CYP3A43: variants seen among roughly 807,000 people sequenced by gnomAD.
CYP3A43 encodes the protein cytochrome P450 3A43.
Under a neutral mutation model 58.0 loss-of-function variants are expected in CYP3A43, and 45 were observed. The observed-to-expected ratio is 0.78, with a 90% CI of 0.61 to 0.99. The LOEUF is 0.99. CYP3A43 is among the 50% of genes least tolerant of loss of function. CYP3A43 has a pLI of 0.00. For synonymous variants in CYP3A43, 191 were observed against 201.4 expected (o/e 0.95, Z 0.44); for missense variants, 593 against 591.9 (o/e 1.00, Z -0.02).
At chr7:99,850,011 G>A (rs1320926686) in intron 7 of CYP3A43, 1 of 445,946 alleles carries the variant, frequency 2.2e-6, no homozygotes, top group Non-Finnish European at 4.4e-6. Context: ...AGGCCGGAGT[G>A]CATGGTGCGA....
chr7:99,846,376 T>G (rs577736050), intron 4 of CYP3A43, among the ~76,000 whole-genome samples: 1 of 152,340 alleles, frequency 6.6e-6, no homozygotes, highest in Admixed American at 6.5e-5. Context: ...TTTACTGTAT[T>G]TTCAGATAGT....
At chr7:99,846,860 A>G (rs538816593) in intron 4 of CYP3A43, among the ~76,000 whole-genome samples, 76 of 152,304 alleles carry the variant, frequency 5.0e-4, no homozygotes, top group South Asian at 2.5e-3. Context: ...GTTTCAAGTT[A>G]TTGGACTAAT....
At position 99,863,476 on chromosome 7, in the gene CYP3A43, G is replaced by A. The variant is rs917226481; in HGVS notation, c.1254-61G>A. On this transcript the variant is annotated intron_variant, in intron 11 of 12. Transcript: ENST00000354829. ...CAAAAGCCACCACACCCTGCATAAC[G>A]TGTAGTTTTAATAGTTTTTATGTTT... The A allele has an allele frequency of 5.6e-5, 81 of 1,434,130 alleles. 1 individual carries two copies. The highest frequency in any genetic ancestry group is 3.0e-4 in the Admixed American group (14 of 46,314). 88.8% of individuals were successfully genotyped at this position (1,434,130 alleles called of 1,614,324 possible).
At chr7:99,849,433 T>C in intron 6 of CYP3A43, 113 bp from the exon 7 acceptor site, 3 of 1,237,526 alleles carry the variant, frequency 2.4e-6, no homozygotes, top group Non-Finnish European at 3.3e-6. Flanking sequence ...ATTGTTCTGA[T>C]TGTGTGTGGG....
At chr7:99,836,577 T>G (rs934954999) in intron 2 of CYP3A43, 31 bp downstream of exon 2, 2 of 1,510,292 alleles carry the variant, frequency 1.3e-6, no homozygotes, top group East Asian at 2.3e-5. Context: ...CTCTTTTGCT[T>G]CTTATCGATG....
At chr7:99,861,476 A>G in intron 10 of CYP3A43, 137 bp from the exon 11 acceptor site, 1 of 779,920 alleles carries the variant, frequency 1.3e-6, no homozygotes, top group South Asian at 1.9e-5. Flanking sequence ...AATTATTAAA[A>G]TAATTTATAA....
intron 2 of CYP3A43, among the ~76,000 whole-genome samples, chr7:99,837,280 C>A (rs1817130343): frequency 7.0e-6 from 1 of 143,660 alleles, no homozygotes; most frequent in Admixed American, 7.0e-5. Flanking sequence ...GATAGCGCCA[C>A]TGCACTCTGG....
At chr7:99,860,033 C>G (rs778360094) in intron 10 of CYP3A43, 43 bp downstream of exon 10, 1 of 1,534,262 alleles carries the variant, frequency 6.5e-7, no homozygotes, top group Non-Finnish European at 8.7e-7. Context: ...AAGGTGAAGC[C>G]TCAGCAAGAA....
At chr7:99,843,310 C>T (rs1025548669) in intron 3 of CYP3A43, among the ~76,000 whole-genome samples, 2 of 152,004 alleles carry the variant, frequency 1.3e-5, no homozygotes, top group African/African-American at 4.8e-5. Flanking sequence ...CACAGAGGCT[C>T]CTGTGGCTGG....
At chr7:99,848,673 C>T (rs1817631583) in intron 6 of CYP3A43, among the ~76,000 whole-genome samples, 1 of 152,162 alleles carries the variant, frequency 6.6e-6, no homozygotes, top group Admixed American at 6.5e-5. Context: ...ACTTCAATCC[C>T]TTCATTATTT....
At chr7:99,846,923 C>A (rs988440095) in intron 4 of CYP3A43, among the ~76,000 whole-genome samples, 6 of 152,198 alleles carry the variant, frequency 3.9e-5, no homozygotes, top group African/African-American at 7.2e-5. Flanking sequence ...TTCCTCTAAT[C>A]CTGGGGGGAA....
At chr7:99,828,794 G>C (rs1352280436) in intron 1 of CYP3A43, among the ~76,000 whole-genome samples, 1 of 152,156 alleles carries the variant, frequency 6.6e-6, no homozygotes, top group Non-Finnish European at 1.5e-5. Context: ...GAAGTGCAGG[G>C]TTGCTCTGAA....
intron 7 of CYP3A43, 138 bp from the exon 8 acceptor site, chr7:99,855,453 G>T: frequency 1.7e-6 from 2 of 1,147,260 alleles, no homozygotes; most frequent in South Asian, 1.7e-5. Context: ...ACAGGAAGAG[G>T]GGCAAAGGTC....
At chr7:99,858,195 C>T (rs1584236023) in intron 9 of CYP3A43, among the ~76,000 whole-genome samples, 1 of 152,190 alleles carries the variant, frequency 6.6e-6, no homozygotes, top group Admixed American at 6.5e-5. Flanking sequence ...ATTATGATTT[C>T]ATTTCAATTC....
chr7:99,846,122 C>G (rs181630632), intron 4 of CYP3A43, among the ~76,000 whole-genome samples: 1 of 152,286 alleles, frequency 6.6e-6, no homozygotes, highest in East Asian at 1.9e-4. Context: ...TCAATGTCTA[C>G]AAACAAACCT....
intron 4 of CYP3A43, among the ~76,000 whole-genome samples, chr7:99,845,806 C>T (rs1156772805): frequency 1.3e-5 from 2 of 150,752 alleles, no homozygotes; most frequent in East Asian, 2.0e-4. Flanking sequence ...AAGACGGTCT[C>T]GCTCTGTAGC....
At chr7:99,855,937 T>C (rs187483412) in intron 8 of CYP3A43, among the ~76,000 whole-genome samples, 266 of 152,338 alleles carry the variant, frequency 1.7e-3, no homozygotes, top group African/African-American at 6.0e-3. Context: ...GGCATGACTT[T>C]AGTATATTAT....
In CYP3A43 at chr7:99,856,843, A is replaced by T; in HGVS notation, c.809A>T (p.Asp270Val). 6 of 1,613,954 alleles carry T rather than the reference A, an allele frequency of 3.7e-6. No homozygotes were observed. The highest frequency in any genetic ancestry group is 5.1e-6 in the Non-Finnish European group (6 of 1,179,966). The change falls in exon 9 of 13, where the codon GAT (aspartate) becomes GTT (valine). Residue 270 changes from aspartate (D) to valine (V), a missense_variant. By Grantham distance (152) the Asp-to-Val change is radical (BLOSUM62 -3). Coordinates refer to ENST00000354829, the MANE Select transcript of CYP3A43 (RefSeq NM_057095.3). ...RLKDKQKHRVDFFQQMIDSQN... is the reference protein window; with the variant it reads ...RLKDKQKHRVVFFQQMIDSQN... ...TCTTTTTGCTTCCAGCATCGAGTAG[A>T]TTTCTTTCAACAGATGATCGACTCC... is the stretch of plus-strand genomic sequence containing the variant.
intron 4 of CYP3A43, 25 bp from the exon 5 acceptor site, chr7:99,847,463 A>G (rs1011109135): frequency 8.7e-6 from 14 of 1,608,826 alleles, no homozygotes; most frequent in Non-Finnish European, 1.1e-5. Flanking sequence ...TACGTAGGAC[A>G]AACTGCTTCT....
Sources: allele counts gnomAD v4.1 joint callset (sites outside exome capture counted in the v4.1 genomes callset), GRCh38; gene constraint gnomAD v4.1.1; transcripts MANE v1.5; gene names NCBI Gene and HGNC (gene_info 2026-07-23, HGNC 2026-07-21).